Variants in MCF2L2 observed in about 807,000 individuals in gnomAD.
The protein encoded by MCF2L2 is probable guanine nucleotide exchange factor MCF2L2.
A neutral mutation model predicts 150.2 loss-of-function variants in MCF2L2; 102 were observed. The observed-to-expected ratio is 0.68, with a 90% CI of 0.58 to 0.80. MCF2L2 has a LOEUF of 0.80. MCF2L2 is among the 30% of genes least tolerant of loss of function. The pLI is 0.00. For missense variants in MCF2L2, 1,256 were observed against 1,372.8 expected (o/e 0.91, Z 1.34); for synonymous variants, 465 against 491.3 (o/e 0.95, Z 0.71).
intron 4 of MCF2L2, among the ~76,000 whole-genome samples, chr3:183,340,969 A>G (rs1210439646): frequency 3.9e-5 from 6 of 152,186 alleles, no homozygotes; most frequent in Admixed American, 2.6e-4. Flanking sequence ...CTGAAATAAT[A>G]AATACTGTCT....
At chr3:183,299,350 A>G (rs928510173) in intron 11 of MCF2L2, 1 of 152,302 alleles carries the variant, frequency 6.6e-6, no homozygotes, top group African/African-American at 2.4e-5. Flanking sequence ...CCTGGGCAGT[A>G]TTCCAGACCT....
chr3:183,346,053 C>A (rs371561828), intron 3 of MCF2L2, among the ~76,000 whole-genome samples: 1 of 152,180 alleles, frequency 6.6e-6, no homozygotes, highest in South Asian at 2.1e-4. Flanking sequence ...AGAGGGACTC[C>A]TCCCTAGCTC....
Position 183,206,224 on chromosome 3 carries a change from A to G in MCF2L2, c.2713-10T>C, listed in dbSNP as rs1464400300. 5 of 1,597,812 alleles carry G rather than the reference A, an allele frequency of 3.1e-6. No individual in the cohort carries two copies. The African/African-American group carries it at 5.4e-5, about 17-fold the overall frequency. The stretch of plus-strand genomic sequence containing the variant: ...TTGAAAGTGTCATCAGCTATTATAA[A>G]GAGGGAAGAGAAATGTTCTATACCA... On this transcript the variant is annotated splice_polypyrimidine_tract_variant and intron_variant, in intron 23 of 29. Coordinates refer to ENST00000328913, the MANE Select transcript of MCF2L2 (RefSeq NM_015078.4).
intron 15 of MCF2L2, among the ~76,000 whole-genome samples, chr3:183,232,785 C>G (rs1376620976): frequency 6.6e-6 from 1 of 152,116 alleles, no homozygotes; most frequent in Non-Finnish European, 1.5e-5. Flanking sequence ...AAAAGAGCAA[C>G]AATTTTCATC....
intron 1 of MCF2L2, among the ~76,000 whole-genome samples, chr3:183,406,615 A>G: frequency 6.6e-6 from 1 of 151,972 alleles, no homozygotes; most frequent in East Asian, 1.9e-4. Flanking sequence ...CAGCCTCCCG[A>G]GTAGCTGAGA....
intron 27 of MCF2L2, among the ~76,000 whole-genome samples, chr3:183,188,189 G>A (rs181122171): frequency 6.6e-6 from 1 of 152,302 alleles, no homozygotes; most frequent in Admixed American, 6.5e-5. Context: ...GGAGAGGGAT[G>A]TCTAGAATGA....
intron 15 of MCF2L2, among the ~76,000 whole-genome samples, chr3:183,250,084 CT>C (rs760892557): frequency 2.0e-5 from 3 of 152,204 alleles, no homozygotes; most frequent in Admixed American, 6.5e-5. Context: ...TGACAAAATA[CT>C]ACTGACTGTT....
At chr3:183,241,191 T>A (rs909016333) in intron 15 of MCF2L2, among the ~76,000 whole-genome samples, 4 of 152,252 alleles carry the variant, frequency 2.6e-5, no homozygotes, top group African/African-American at 9.6e-5. Context: ...GCAGAGGTTT[T>A]TCTTTAAGTA....
At chr3:183,258,115 G>A (rs888528414) in intron 15 of MCF2L2, among the ~76,000 whole-genome samples, 3 of 151,956 alleles carry the variant, frequency 2.0e-5, no homozygotes, top group South Asian at 2.1e-4. Flanking sequence ...TTACAGGCAT[G>A]CTCCACCACA....
chr3:183,288,481 CTTT>C (rs535192977), intron 14 of MCF2L2, among the ~76,000 whole-genome samples: 10 of 135,180 alleles, frequency 7.4e-5, no homozygotes, highest in South Asian at 2.3e-4. Context: ...TTGTCATGCT[CTTT>C]TTTTTTTTTT....
intron 15 of MCF2L2, among the ~76,000 whole-genome samples, chr3:183,248,634 A>G (rs1358877621): frequency 6.6e-6 from 1 of 152,162 alleles, no homozygotes; most frequent in Non-Finnish European, 1.5e-5. Context: ...CAGGAGTTCA[A>G]GACCAGCCTG....
intron 3 of MCF2L2, among the ~76,000 whole-genome samples, chr3:183,352,115 T>C (rs760463583): frequency 1.3e-5 from 2 of 152,220 alleles, no homozygotes; most frequent in Non-Finnish European, 2.9e-5. Context: ...TCATCATACT[T>C]TCTCTCTCAT....
At chr3:183,425,037 GA>G (rs773746275) in intron 1 of MCF2L2, among the ~76,000 whole-genome samples, 7 of 152,194 alleles carry the variant, frequency 4.6e-5, no homozygotes, top group African/African-American at 9.7e-5. Context: ...TTGGAATATA[GA>G]GTGTCGTGTT....
At chr3:183,370,344 G>T (rs759698367) in intron 3 of MCF2L2, among the ~76,000 whole-genome samples, 1 of 152,270 alleles carries the variant, frequency 6.6e-6, no homozygotes, top group Non-Finnish European at 1.5e-5. Context: ...CCTCAGTAGT[G>T]TGGCCGAGCA....
intron 22 of MCF2L2, among the ~76,000 whole-genome samples, chr3:183,215,337 C>T (rs1444468388): frequency 6.6e-6 from 1 of 151,266 alleles, no homozygotes; most frequent in Non-Finnish European, 1.5e-5. Context: ...CAAAACAAGT[C>T]GAATATTAAC....
intron 25 of MCF2L2, among the ~76,000 whole-genome samples, chr3:183,205,514 T>C (rs1472605517): frequency 1.3e-5 from 2 of 152,212 alleles, no homozygotes; most frequent in Non-Finnish European, 2.9e-5. Flanking sequence ...GGCATGTTAA[T>C]TATATCTTGA....
At position 183,270,181 on chromosome 3, in the gene MCF2L2, T is replaced by G. The variant is rs768413971; in HGVS notation, c.1862+6691A>C. 6.2e-7 allele frequency: 1 copy of G among 1,614,222 alleles called. No individual in the cohort carries two copies. ...CAGCTGAATGCCAACATCAAAACTC[T>G]GTTTGCCTTAGGAACTCCTAATCCA... On this transcript the variant is annotated intron_variant, in intron 15 of 29. Transcript: ENST00000328913. This position sits in a 1 kb window ranked among gnomAD's most constrained non-coding sequence, Gnocchi z 4.5.
At chr3:183,423,892 G>C (rs1487920390) in intron 1 of MCF2L2, among the ~76,000 whole-genome samples, 1 of 151,774 alleles carries the variant, frequency 6.6e-6, no homozygotes, top group Non-Finnish European at 1.5e-5. Context: ...AAAGTGCTGG[G>C]ATTACAGGTG....
At chr3:183,348,946 C>G (rs7612062) in intron 3 of MCF2L2, among the ~76,000 whole-genome samples, 19,290 of 152,152 alleles carry the variant, frequency 0.13, 1,318 homozygotes, top group African/African-American at 0.14. Context: ...CTCAGTAATT[C>G]ATAGAACAAG....
Sources: gnomAD v4.1 joint callset for allele counts (sites outside exome capture counted in the v4.1 genomes callset) on GRCh38, gnomAD v4.1.1 for gene constraint, Gnocchi (gnomAD v3.1) non-coding constraint, MANE v1.5 for transcripts, NCBI Gene and HGNC (gene_info 2026-07-23, HGNC 2026-07-21) for gene names.